LRP1B: variants seen among roughly 807,000 people sequenced by gnomAD.
LRP1B encodes low-density lipoprotein receptor-related protein 1B.
LRP1B carries 217 observed loss-of-function variants against 556.6 expected under a neutral mutation model. The ratio of observed to expected loss-of-function variants is 0.39; its 90% confidence interval spans 0.35 to 0.44. The LOEUF (loss-of-function observed/expected upper bound fraction) is 0.44, where lower values mean the gene tolerates loss of function less well. Among genes scored for constraint, LRP1B ranks in the 20% least tolerant of loss-of-function variants. LRP1B has a pLI of 1.00. For synonymous variants in LRP1B, 2,047 were observed against 1,865.8 expected, an observed-to-expected ratio of 1.10 and a Z score of -2.50; for missense variants, 5,053 against 5,620.8, an observed-to-expected ratio of 0.90 and a Z score of 3.23.
chr2:140,415,032 G>A (rs1347084145), intron 66 of LRP1B, among the ~76,000 whole-genome samples: 1 of 152,086 alleles, frequency 6.6e-6, no homozygotes, highest in Non-Finnish European at 1.5e-5. Context: ...GGCTGCTCTG[G>A]GAATGTCTGT....
intron 20 of LRP1B, among the ~76,000 whole-genome samples, chr2:140,939,303 G>A (rs1695323833): frequency 6.6e-6 from 1 of 151,720 alleles, no homozygotes; most frequent in Non-Finnish European, 1.5e-5. Context: ...GAAAATGAAT[G>A]AATGCATGAA....
At chr2:140,697,288 C>T (rs139984852) in intron 41 of LRP1B, among the ~76,000 whole-genome samples, 7 of 152,162 alleles carry the variant, frequency 4.6e-5, no homozygotes, top group African/African-American at 1.7e-4. Context: ...TATGACAAAA[C>T]CTCCTAGGGC....
At chr2:141,312,545 A>G (rs752686692) in intron 3 of LRP1B, among the ~76,000 whole-genome samples, 1 of 152,162 alleles carries the variant, frequency 6.6e-6, no homozygotes, top group Non-Finnish European at 1.5e-5. Flanking sequence ...GATGGTTAAA[A>G]GGTCAACGGT....
intron 2 of LRP1B, among the ~76,000 whole-genome samples, chr2:141,801,715 A>G (rs555890736): frequency 1.3e-5 from 2 of 152,248 alleles, no homozygotes; most frequent in African/African-American, 4.8e-5. Context: ...GTTTGTAACT[A>G]CCTTTACCCC....
At chr2:141,680,157 CATA>C (rs974820465) in intron 2 of LRP1B, among the ~76,000 whole-genome samples, 2 of 151,914 alleles carry the variant, frequency 1.3e-5, no homozygotes, top group Non-Finnish European at 2.9e-5. Context: ...AAAGATATTT[CATA>C]ATATTTTAAA....
rs563743962 is a variant in LRP1B at position 141,851,722 on chromosome 2, G to C, written c.83-41321C>G. Among the ~76,000 whole-genome samples, 4 of 151,774 alleles carry C rather than the reference G, an allele frequency of 2.6e-5. No individual in the cohort carries two copies. In the East Asian group the frequency reaches 7.8e-4, roughly 29 times the overall value. On this transcript the variant is annotated intron_variant, in intron 1 of 90. Coordinates refer to ENST00000389484, the MANE Select transcript of LRP1B (RefSeq NM_018557.3). Reference sequence around the variant, plus strand: ...GTTTTAGTTTTACAATTAAGTCCCCGAGAGTAATAACAATAAGGAATTGCT... The same window carrying C: ...GTTTTAGTTTTACAATTAAGTCCCCCAGAGTAATAACAATAAGGAATTGCT...
intron 1 of LRP1B, among the ~76,000 whole-genome samples, chr2:142,061,983 C>A (rs1315320316): frequency 1.3e-5 from 2 of 151,820 alleles, no homozygotes; most frequent in African/African-American, 4.8e-5. Context: ...AATGAGTGGG[C>A]TGCTGCTATT....
chr2:140,508,725 G>A (rs1689522438), intron 52 of LRP1B, among the ~76,000 whole-genome samples: 1 of 152,104 alleles, frequency 6.6e-6, no homozygotes, highest in Non-Finnish European at 1.5e-5. Flanking sequence ...GACTTATTTG[G>A]CTTTAACACT....
intron 3 of LRP1B, among the ~76,000 whole-genome samples, chr2:141,460,697 G>A (rs937624299): frequency 4.6e-5 from 7 of 152,290 alleles, no homozygotes; most frequent in Middle Eastern, 6.8e-3. Context: ...GATAATTGTG[G>A]TTTCAACCTA....
intron 3 of LRP1B, among the ~76,000 whole-genome samples, chr2:141,321,971 G>A (rs888988514): frequency 2.6e-5 from 4 of 152,040 alleles, no homozygotes; most frequent in African/African-American, 7.2e-5. Context: ...TCTTGTAAAT[G>A]AAGCCAATTT....
At chr2:140,743,834 C>A (rs1573652743) in intron 35 of LRP1B, among the ~76,000 whole-genome samples, 1 of 151,212 alleles carries the variant, frequency 6.6e-6, no homozygotes, top group East Asian at 2.0e-4. Context: ...GTGGCGGGTG[C>A]CTGTAGTCAC....
At chr2:140,432,266 T>C (rs1365222293) in intron 66 of LRP1B, among the ~76,000 whole-genome samples, 1 of 152,050 alleles carries the variant, frequency 6.6e-6, no homozygotes, top group Non-Finnish European at 1.5e-5. Context: ...CCTACCCAAA[T>C]CTTATAAAAC....
rs553225364 is a variant in LRP1B at position 141,277,505 on chromosome 2, T to C, written c.344-22864A>G. ...TCTTGCCTTCAGTGTTAACTGTGAA[T>C]ACTGTTGAGATATCATTTAATAACA... On this transcript the variant is annotated intron_variant, in intron 3 of 90. Transcript: ENST00000389484. Among the ~76,000 whole-genome samples the C allele has an allele frequency of 2.0e-4, 30 of 151,700 alleles. 2 individuals are homozygous for C. In the East Asian group the frequency reaches 5.6e-3, roughly 28 times the overall value.
intron 3 of LRP1B, among the ~76,000 whole-genome samples, chr2:141,300,705 A>G (rs1407638520): frequency 6.6e-6 from 1 of 152,146 alleles, no homozygotes; most frequent in Non-Finnish European, 1.5e-5. Flanking sequence ...CTGGCTGTGT[A>G]GGACGTGCAT....
chr2:140,650,182 A>T (rs537316417), intron 41 of LRP1B, among the ~76,000 whole-genome samples: 9 of 151,852 alleles, frequency 5.9e-5, no homozygotes, highest in Non-Finnish European at 1.2e-4. Flanking sequence ...TAATTTCTAG[A>T]TACTTATTTG....
At chr2:141,026,133 C>A (rs1042240667) in intron 11 of LRP1B, among the ~76,000 whole-genome samples, 3 of 151,964 alleles carry the variant, frequency 2.0e-5, no homozygotes, top group African/African-American at 7.2e-5. Flanking sequence ...CACCTATTCT[C>A]GAATATTCAT....
Position 141,905,091 on chromosome 2 carries a change from G to A in LRP1B, c.83-94690C>T, listed in dbSNP as rs181786120. Among the ~76,000 whole-genome samples, 1,227 of 151,988 alleles carry A rather than the reference G, an allele frequency of 8.1e-3. 9 individuals are homozygous for A. Among genetic ancestry groups the A allele is most frequent in the Middle Eastern group, 0.014 (4 of 294 alleles). On this transcript the variant is annotated intron_variant, in intron 1 of 90. Transcript: ENST00000389484. ...TAATGGGAGTCCAGAGGTAAAGGGTGCATTGTTTTTCTTTAAGATGGATGA... is the reference window on the plus strand; with the variant it reads ...TAATGGGAGTCCAGAGGTAAAGGGTACATTGTTTTTCTTTAAGATGGATGA...
intron 1 of LRP1B, among the ~76,000 whole-genome samples, chr2:142,086,643 A>AC (rs60486255): frequency 0.016 from 2,343 of 150,940 alleles, 29 homozygotes; most frequent in Non-Finnish European, 0.02. Flanking sequence ...AAACAAACAA[A>AC]AAAAAAACAC....
At chr2:140,255,028 A>G (rs1681615421) in intron 86 of LRP1B, among the ~76,000 whole-genome samples, 1 of 152,230 alleles carries the variant, frequency 6.6e-6, no homozygotes, top group Admixed American at 6.5e-5. Flanking sequence ...TTTAAAAATA[A>G]TGCAATCAAA....
Sources: gnomAD v4.1 joint callset for allele counts (sites outside exome capture counted in the v4.1 genomes callset) on GRCh38, gnomAD v4.1.1 for gene constraint, MANE v1.5 for transcripts, NCBI Gene and HGNC (gene_info 2026-07-23, HGNC 2026-07-21) for gene names.